FUNDC2: variants seen among roughly 807,000 people sequenced by gnomAD.
The protein encoded by FUNDC2 is FUN14 domain containing 2, also known as FUN14 domain-containing protein 2.
Under a neutral mutation model 15.6 loss-of-function variants are expected in FUNDC2, and 4 were observed. That is an observed-to-expected ratio of 0.26 (90% CI 0.13 to 0.59). FUNDC2 has a LOEUF of 0.59. Ranked by LOEUF, FUNDC2 falls within the 20% of genes least tolerant of loss-of-function variation. The pLI is 0.90. For synonymous variants in FUNDC2, 44 were observed against 56.9 expected, an observed-to-expected ratio of 0.77 and a Z score of 1.02; for missense variants, 98 against 149.7, an observed-to-expected ratio of 0.65 and a Z score of 1.80.
Position 155,051,921 on chromosome X carries a change from A to AGT in FUNDC2, c.492+120_492+121insGT, listed in dbSNP as rs1557290541. On this transcript the variant is annotated intron_variant, in intron 4 of 4. Coordinates refer to ENST00000369498, the MANE Select transcript of FUNDC2 (RefSeq NM_023934.4). ...TAAGCATTACAAAGAACTTAGAGTA[A>AGT]TGAGACAAAACTAACTTGGATTATC... The AGT allele has an allele frequency of 3.5e-5, 24 of 694,006 alleles. No homozygotes were observed. The African/African-American group carries it at 5.2e-4, about 15-fold the overall frequency. The allele number at this position is 694,006 out of a possible 1,213,427, so 57.2% of individuals were successfully genotyped here.
At chrX:155,043,703 A>G (rs868950678) in intron 2 of FUNDC2, among the ~76,000 whole-genome samples, 2 of 112,505 alleles carry the variant, frequency 1.8e-5, no homozygotes, top group African/African-American at 6.5e-5. Context: ...AGTTACTCTG[A>G]TTATACTTTA....
At chrX:155,028,381 G>A (rs2073803134) in intron 1 of FUNDC2, among the ~76,000 whole-genome samples, 2 of 111,895 alleles carry the variant, frequency 1.8e-5, no homozygotes, top group Admixed American at 9.5e-5. Context: ...CTACAGCACA[G>A]TGGCACAATC....
At chrX:155,038,436 T>G (rs1186025323) in intron 2 of FUNDC2, among the ~76,000 whole-genome samples, 1 of 111,848 alleles carries the variant, frequency 8.9e-6, no homozygotes, top group Non-Finnish European at 1.9e-5. Flanking sequence ...TTAACTGTAG[T>G]CACCATGATA....
At chrX:155,027,251 G>C in intron 1 of FUNDC2, 180 bp downstream of exon 1, 1 of 416,924 alleles carries the variant, frequency 2.4e-6, no homozygotes, top group Non-Finnish European at 3.6e-6. Context: ...TCCGGCCAAG[G>C]TCACGCGCGT....
intron 3 of FUNDC2, chrX:155,050,341 G>T (rs1557290374): frequency 8.9e-6 from 1 of 111,905 alleles, no homozygotes; most frequent in Middle Eastern, 4.6e-3. Context: ...TAGGCCAGGC[G>T]ATACTGCAGG....
rs190600692 is a variant in FUNDC2, at chrX:155,029,819, G to A, written c.133+2748G>A. On this transcript the variant is annotated intron_variant, in intron 1 of 4. Coordinates refer to ENST00000369498, the MANE Select transcript of FUNDC2 (RefSeq NM_023934.4). ...TAATTGAGATTGTATTGAATATATAGATCAATATATGGAGAGAATGAACAT... is the reference window on the plus strand; with the variant it reads ...TAATTGAGATTGTATTGAATATATAAATCAATATATGGAGAGAATGAACAT... Among the ~76,000 whole-genome samples the A allele has an allele frequency of 3.1e-3, 333 of 107,561 alleles. 3 individuals are homozygous for A. The highest frequency in any genetic ancestry group is 5.3e-3 in the South Asian group (13 of 2,464). The allele number at this position is 107,561 out of a possible 115,157, so 93.4% of individuals were successfully genotyped here.
chrX:155,056,438 A>T lies in FUNDC2; in HGVS notation c.*1766A>T, dbSNP rs1569560254. 8.9e-6 allele frequency: 1 copy of T among 111,818 alleles called. No individual in the cohort carries two copies. The highest frequency in any genetic ancestry group is 1.9e-5 in the Non-Finnish European group (1 of 53,158). The allele number at this position is 111,818 out of a possible 1,213,427, so 9.2% of individuals were successfully genotyped here. Reference sequence around the variant, plus strand: ...AAATTTCCTCAAGTGTTTTATATTTAGTTTGTTTGAATCAAAATTCATGCA... The same window carrying T: ...AAATTTCCTCAAGTGTTTTATATTTTGTTTGTTTGAATCAAAATTCATGCA... On this transcript the variant is annotated 3_prime_UTR_variant, in exon 5 of 5. Coordinates refer to ENST00000369498, the MANE Select transcript of FUNDC2 (RefSeq NM_023934.4).
intron 2 of FUNDC2, among the ~76,000 whole-genome samples, chrX:155,044,638 A>G (rs1265331797): frequency 8.9e-6 from 1 of 112,513 alleles, no homozygotes; most frequent in African/African-American, 3.2e-5. Flanking sequence ...TATCAGGGAA[A>G]TGCAAATTAA....
chrX:155,051,618 A>C, intron 3 of FUNDC2, 52 bp from the exon 4 acceptor site: 9 of 1,179,841 alleles, frequency 7.6e-6, no homozygotes, highest in Non-Finnish European at 9.2e-6. Context: ...TGACTAAAAG[A>C]AATAACAAAT....
In FUNDC2 at chrX:155,027,075, A is replaced by G. The variant is rs782540410; in HGVS notation, c.133+4A>G. 5.3e-6 allele frequency: 6 copies of G among 1,124,883 alleles called. No individual in the cohort carries two copies. The highest frequency in any genetic ancestry group is 5.9e-6 in the Non-Finnish European group (5 of 850,049). 92.7% of individuals were successfully genotyped at this position (1,124,883 alleles called of 1,213,427 possible). ...GAAATGGCCGCGTCCAGTCAAGGTA[A>G]GGGCGGGCGCGCGCGCGGCCGGCGC... On this transcript the variant is annotated splice_donor_region_variant and intron_variant, in intron 1 of 4. Transcript: ENST00000369498.
At chrX:155,046,199 C>T (rs2073861837) in intron 2 of FUNDC2, among the ~76,000 whole-genome samples, 2 of 110,259 alleles carry the variant, frequency 1.8e-5, no homozygotes, top group South Asian at 7.8e-4. Flanking sequence ...TCTTCTGGAT[C>T]GCTACCTCAC....
intron 2 of FUNDC2, among the ~76,000 whole-genome samples, chrX:155,040,551 A>G (rs1037026210): frequency 4.5e-5 from 5 of 112,328 alleles, no homozygotes; most frequent in Non-Finnish European, 9.4e-5. Context: ...ATTCCACTGT[A>G]TGTATATGCC....
At position 155,054,731 on chromosome X, in the gene FUNDC2, C is replaced by T; in HGVS notation, c.*59C>T. The T allele has an allele frequency of 1.0e-6, 1 of 961,158 alleles. No individual in the cohort carries two copies. Among genetic ancestry groups the T allele is most frequent in the Non-Finnish European group, 1.5e-6 (1 of 671,085 alleles). The allele number at this position is 961,158 out of a possible 1,213,427, so 79.2% of individuals were successfully genotyped here. On this transcript the variant is annotated 3_prime_UTR_variant, in exon 5 of 5. Coordinates refer to ENST00000369498, the MANE Select transcript of FUNDC2 (RefSeq NM_023934.4). ...TTTCCAGCCAGCAGCCTCTACACTC[C>T]ATCATAGGACATCGAGTCCCTCCTC...
rs782496290 is a variant in FUNDC2, at chrX:155,033,480, G to A, written c.211G>A (p.Gly71Arg). 6.6e-6 allele frequency: 8 copies of A among 1,209,836 alleles called. No homozygotes were observed. The highest frequency in any genetic ancestry group is 1.8e-5 in the South Asian group (1 of 56,856). ...KKQPWWRKLF[G>R]QESGPSAEKY... ...GCAGCCATGGTGGCGTAAGCTGTTC[G>A]GGCAGGAATCTGGACCTTCAGCAGA... The change falls in exon 2 of 5, where the codon GGG (glycine) becomes AGG (arginine). Residue 71 changes from glycine to arginine, a missense_variant. Transcript: ENST00000369498.
At position 155,059,988 on chromosome X, in the gene FUNDC2, C is replaced by G. The variant is rs2073921229; in HGVS notation, c.*5316C>G. The G allele has an allele frequency of 8.9e-6, 1 of 112,041 alleles. No individual in the cohort carries two copies. The highest frequency in any genetic ancestry group is 9.4e-5 in the Admixed American group (1 of 10,592). 9.2% of individuals were successfully genotyped at this position (112,041 alleles called of 1,213,427 possible). On this transcript the variant is annotated 3_prime_UTR_variant, in exon 5 of 5. Transcript: ENST00000369498. ...GCGTCCCCAGAAGCCCATCAGATAC[C>G]AGTGCCATGCTTCCTGTACAGCCCA...
intron 2 of FUNDC2, among the ~76,000 whole-genome samples, chrX:155,040,762 C>A (rs1386341641): frequency 8.9e-6 from 1 of 111,766 alleles, no homozygotes; most frequent in Admixed American, 9.5e-5. Flanking sequence ...TGAGGACCCA[C>A]CTAACTTTTG....
intron 2 of FUNDC2, among the ~76,000 whole-genome samples, chrX:155,044,229 G>A (rs1557289848): frequency 8.9e-6 from 1 of 111,984 alleles, no homozygotes; most frequent in East Asian, 2.8e-4. Flanking sequence ...GCTATATTGA[G>A]AATAGATTCT....
In FUNDC2 at chrX:155,058,043, C is replaced by G. The variant is rs2073914440; in HGVS notation, c.*3371C>G. 1 of 111,078 alleles carries G rather than the reference C, an allele frequency of 9.0e-6. No individual in the cohort carries two copies. The highest frequency in any genetic ancestry group is 1.9e-5 in the Non-Finnish European group (1 of 52,964). The allele number at this position is 111,078 out of a possible 1,213,427, so 9.2% of individuals were successfully genotyped here. On this transcript the variant is annotated 3_prime_UTR_variant, in exon 5 of 5. Coordinates refer to ENST00000369498, the MANE Select transcript of FUNDC2 (RefSeq NM_023934.4). ...TATTGCCATTGTGATAATATGTTAG[C>G]ATGACTCTCCTCCCAAATGGCCGCT...
rs1221244984 is a variant in FUNDC2 at position 155,055,151 on chromosome X, T to G, written c.*479T>G. 10 of 297,631 alleles carry G rather than the reference T, an allele frequency of 3.4e-5. No individual in the cohort carries two copies. The highest frequency in any genetic ancestry group is 4.7e-5 in the Non-Finnish European group (8 of 171,100). The allele number at this position is 297,631 out of a possible 1,213,427, so 24.5% of individuals were successfully genotyped here. ...TGTCTACTTTCTTTTTTAGTTGGTT[T>G]TACATTACAGAAAGCTATTTAAATG... is the stretch of plus-strand genomic sequence containing the variant. On this transcript the variant is annotated 3_prime_UTR_variant, in exon 5 of 5. Coordinates refer to ENST00000369498, the MANE Select transcript of FUNDC2 (RefSeq NM_023934.4).
Sources: allele counts gnomAD v4.1 joint callset (sites outside exome capture counted in the v4.1 genomes callset), GRCh38; gene constraint gnomAD v4.1.1; transcripts MANE v1.5; gene names NCBI Gene and HGNC (gene_info 2026-07-23, HGNC 2026-07-21).